KIAA1328: variants seen among roughly 807,000 people sequenced by gnomAD.
KIAA1328 encodes the protein KIAA1328.
Under a neutral mutation model 68.1 loss-of-function variants are expected in KIAA1328, and 52 were observed. The observed-to-expected ratio is 0.76, with a 90% CI of 0.61 to 0.96. The LOEUF is 0.96. KIAA1328 is among the 40% of genes least tolerant of loss of function. The pLI, the probability that KIAA1328 is intolerant of heterozygous loss-of-function variation, is 0.00. For synonymous variants in KIAA1328, 232 were observed against 239.4 expected, an observed-to-expected ratio of 0.97 and a Z score of 0.28; for missense variants, 641 against 677.6, an observed-to-expected ratio of 0.95 and a Z score of 0.60.
chr18:37,055,009 T>C (rs2055853635), intron 6 of KIAA1328, among the ~76,000 whole-genome samples: 1 of 152,150 alleles, frequency 6.6e-6, no homozygotes, highest in Admixed American at 6.6e-5. Context: ...ATTATTGACT[T>C]TAATGTCTCT....
intron 7 of KIAA1328, among the ~76,000 whole-genome samples, chr18:37,158,396 C>T (rs17652799): frequency 6.6e-6 from 1 of 152,044 alleles, no homozygotes; most frequent in South Asian, 2.1e-4. Context: ...TGCTCTTGTC[C>T]CCACACGCTC....
chr18:36,978,096 A>G (rs990436620), intron 6 of KIAA1328, among the ~76,000 whole-genome samples: 14 of 152,122 alleles, frequency 9.2e-5, no homozygotes, highest in African/African-American at 3.4e-4. Context: ...ATTTATTACT[A>G]TGAAAGGAAT....
intron 7 of KIAA1328, among the ~76,000 whole-genome samples, chr18:37,079,761 C>G (rs2056883193): frequency 6.6e-6 from 1 of 151,784 alleles, no homozygotes; most frequent in Non-Finnish European, 1.5e-5. Context: ...GTGGTGGGCG[C>G]CTGTAATCCT....
intron 6 of KIAA1328, among the ~76,000 whole-genome samples, chr18:36,967,145 G>A (rs548583251): frequency 3.3e-5 from 5 of 152,222 alleles, no homozygotes; most frequent in South Asian, 4.2e-4. Context: ...TGGTAGGCCC[G>A]ATCTAATAAA....
intron 4 of KIAA1328, among the ~76,000 whole-genome samples, chr18:36,873,218 C>A (rs1177785949): frequency 6.6e-6 from 1 of 152,072 alleles, no homozygotes; most frequent in Non-Finnish European, 1.5e-5. Flanking sequence ...AAAAAGAAAC[C>A]AGGTGGCATC....
chr18:37,057,361 A>G (rs559208509), intron 6 of KIAA1328, among the ~76,000 whole-genome samples: 32 of 152,024 alleles, frequency 2.1e-4, no homozygotes, highest in African/African-American at 7.2e-4. Flanking sequence ...TGATGGTTCC[A>G]TTTAAAGAAC....
intron 5 of KIAA1328, among the ~76,000 whole-genome samples, chr18:36,928,201 G>A (rs1430911001): frequency 2.0e-5 from 3 of 152,132 alleles, no homozygotes; most frequent in Non-Finnish European, 2.9e-5. Flanking sequence ...GGTGGTGATA[G>A]TGCTGGCAAT....
intron 7 of KIAA1328, among the ~76,000 whole-genome samples, chr18:37,085,562 A>G (rs1037329572): frequency 6.6e-5 from 10 of 152,152 alleles, no homozygotes; most frequent in Admixed American, 5.2e-4. Context: ...TGAAAGTCCT[A>G]TTCTGCCATC....
At chr18:37,102,836 G>A (rs1404839083) in intron 7 of KIAA1328, among the ~76,000 whole-genome samples, 3 of 151,976 alleles carry the variant, frequency 2.0e-5, no homozygotes, top group African/African-American at 4.8e-5. Flanking sequence ...AAACTTAAAG[G>A]CACCACCAAA....
intron 6 of KIAA1328, among the ~76,000 whole-genome samples, chr18:37,061,069 C>G (rs527866023): frequency 6.6e-6 from 1 of 152,026 alleles, no homozygotes; most frequent in African/African-American, 2.4e-5. Flanking sequence ...GAGCCAAGAT[C>G]GTGCCACTGC....
rs1478853070 is a variant in KIAA1328, at chr18:37,004,072, C to CT, written c.576+44643dup. On this transcript the variant is annotated intron_variant, in intron 6 of 9. Coordinates refer to ENST00000280020, the MANE Select transcript of KIAA1328 (RefSeq NM_020776.3). ...TAGTCTTGCTTTGTCTATGCGGGCTCTTTTTTGGTTCCATATGAATTTTAG... is the reference window on the plus strand; with the variant it reads ...TAGTCTTGCTTTGTCTATGCGGGCTCTTTTTTTGGTTCCATATGAATTTTAG... Among the ~76,000 whole-genome samples the CT allele has an allele frequency of 1.7e-4, 26 of 152,084 alleles. 1 individual carries two copies. Among genetic ancestry groups the CT allele is most frequent in the Admixed American group, 1.5e-3 (23 of 15,252 alleles).
intron 6 of KIAA1328, among the ~76,000 whole-genome samples, chr18:37,033,292 A>G (rs1292502769): frequency 6.6e-6 from 1 of 152,182 alleles, no homozygotes; most frequent in East Asian, 1.9e-4. Context: ...AGATTTCATC[A>G]TATATGTTGT....
At chr18:36,877,926 C>G (rs2048193560) in intron 4 of KIAA1328, among the ~76,000 whole-genome samples, 1 of 152,028 alleles carries the variant, frequency 6.6e-6, no homozygotes. Context: ...CTCGGCCTCC[C>G]AAAGTGCTGG....
chr18:36,959,155 T>C (rs755177081), intron 5 of KIAA1328, among the ~76,000 whole-genome samples, 153 bp from the exon 6 acceptor site: 3 of 152,208 alleles, frequency 2.0e-5, no homozygotes, highest in Admixed American at 6.5e-5. Flanking sequence ...GAGAAATACA[T>C]GTAACTTTTA....
chr18:37,208,882 T>A (rs897730949), intron 9 of KIAA1328, among the ~76,000 whole-genome samples: 4 of 152,190 alleles, frequency 2.6e-5, no homozygotes, highest in African/African-American at 9.6e-5. Flanking sequence ...CAGAACATCA[T>A]GGGACTAGCA....
chr18:36,926,855 T>A (rs1323053980), intron 5 of KIAA1328, among the ~76,000 whole-genome samples: 1 of 152,102 alleles, frequency 6.6e-6, no homozygotes, highest in Non-Finnish European at 1.5e-5. Flanking sequence ...TCTGCATGCT[T>A]TATAGGAAGC....
chr18:37,130,389 G>A (rs1381992474), intron 7 of KIAA1328, among the ~76,000 whole-genome samples: 1 of 152,196 alleles, frequency 6.6e-6, no homozygotes, highest in Non-Finnish European at 1.5e-5. Context: ...GGAGGCCGAG[G>A]CAGGCAGATC....
intron 9 of KIAA1328, among the ~76,000 whole-genome samples, chr18:37,220,987 C>T (rs753804845): frequency 1.2e-4 from 19 of 152,082 alleles, no homozygotes; most frequent in African/African-American, 4.6e-4. Flanking sequence ...CCACCATGCC[C>T]GCCTAATTTT....
intron 5 of KIAA1328, among the ~76,000 whole-genome samples, chr18:36,921,402 T>C (rs941056539): frequency 2.0e-5 from 3 of 152,104 alleles, no homozygotes; most frequent in Non-Finnish European, 1.5e-5. Flanking sequence ...TCTTTACTTA[T>C]TATTTGTTTG....
Sources: gnomAD v4.1 joint callset for allele counts (sites outside exome capture counted in the v4.1 genomes callset) on GRCh38, gnomAD v4.1.1 for gene constraint, MANE v1.5 for transcripts, NCBI Gene and HGNC (gene_info 2026-07-23, HGNC 2026-07-21) for gene names.